The following STK39 variants were observed in gnomAD, a reference collection of about 807,000 sequenced individuals.
STK39 encodes the protein STE20/SPS1-related proline-alanine-rich protein kinase.
Under a neutral mutation model 77.8 loss-of-function variants are expected in STK39, and 20 were observed. The observed-to-expected ratio is 0.26, with a 90% CI of 0.18 to 0.37. The LOEUF (loss-of-function observed/expected upper bound fraction) is 0.37, where lower values mean the gene tolerates loss of function less well. STK39 is among the 10% of genes least tolerant of loss of function. The pLI, the probability that STK39 is intolerant of heterozygous loss-of-function variation, is 1.00. For synonymous variants in STK39, 246 were observed against 234.1 expected (o/e 1.05, Z -0.47); for missense variants, 479 against 656.5 (o/e 0.73, Z 2.95).
In STK39 at chr2:167,954,244, A is replaced by G. The variant is rs201462059; in HGVS notation, c.*1252T>C. The G allele has an allele frequency of 5.2e-5, 8 of 152,720 alleles. No homozygotes were observed. In the East Asian group the frequency reaches 9.7e-4, roughly 18 times the overall value. 9.5% of individuals were successfully genotyped at this position (152,720 alleles called of 1,614,324 possible). A position where few individuals can be genotyped will look rare whatever the true frequency, so the allele number is the denominator to read the frequency against. On this transcript the variant is annotated 3_prime_UTR_variant, in exon 18 of 18. Transcript: ENST00000355999. ...AGAGCTGCCATATCTAGGGTTAGCT[A>G]GGAAAGAGCAATGGTACCATCCTGG...
chr2:168,027,379 T>C (rs573047057), intron 14 of STK39, among the ~76,000 whole-genome samples: 1 of 152,150 alleles, frequency 6.6e-6, no homozygotes, highest in African/African-American at 2.4e-5. Context: ...AAAGTGAAAA[T>C]TCCTTTCAGC....
chr2:168,120,074 A>G (rs998510759), intron 10 of STK39, among the ~76,000 whole-genome samples: 4 of 152,226 alleles, frequency 2.6e-5, no homozygotes, highest in Non-Finnish European at 5.9e-5. Context: ...CTTTAGGGAT[A>G]GCTTAACTCA....
At chr2:168,091,434 A>G (rs1686521948) in intron 10 of STK39, among the ~76,000 whole-genome samples, 1 of 152,196 alleles carries the variant, frequency 6.6e-6, no homozygotes, top group Non-Finnish European at 1.5e-5. Flanking sequence ...ATTGGAGGCT[A>G]GAGCCTCTGA....
At chr2:168,183,001 C>T (rs1689121834) in intron 1 of STK39, among the ~76,000 whole-genome samples, 1 of 152,164 alleles carries the variant, frequency 6.6e-6, no homozygotes, top group Non-Finnish European at 1.5e-5. Flanking sequence ...GGTAATACTT[C>T]TCAAATGATT....
At chr2:168,157,377 T>C (rs540238379) in intron 5 of STK39, among the ~76,000 whole-genome samples, 2 of 152,234 alleles carry the variant, frequency 1.3e-5, no homozygotes, top group Admixed American at 1.3e-4. Context: ...ATTTCTGTTA[T>C]GTAAAACCAG....
chr2:168,082,353 T>C (rs959442843), intron 10 of STK39, among the ~76,000 whole-genome samples: 1 of 152,030 alleles, frequency 6.6e-6, no homozygotes. Context: ...AGTCTCCAAT[T>C]GTGGCCCTCA....
rs189777700 is a variant in STK39, at chr2:168,073,130, T to C, written c.1242+1852A>G. Reference sequence around the variant, plus strand: ...TCAGTACTGATGCCTGAAGATCAACTCACGGCACACTACATAGTCTTTCCC... The same window carrying C: ...TCAGTACTGATGCCTGAAGATCAACCCACGGCACACTACATAGTCTTTCCC... On this transcript the variant is annotated intron_variant, in intron 12 of 17. Coordinates refer to ENST00000355999, the MANE Select transcript of STK39 (RefSeq NM_013233.3). 2.6e-3 allele frequency among the ~76,000 whole-genome samples: 390 copies of C among 152,294 alleles called. 2 individuals carry two copies. Among genetic ancestry groups the C allele is most frequent in the Admixed American group, 6.5e-3 (99 of 15,302 alleles).
In STK39 at chr2:167,999,618, C is replaced by T. The variant is rs531649860; in HGVS notation, c.1498+13016G>A. Among the ~76,000 whole-genome samples the T allele has an allele frequency of 6.6e-5, 10 of 152,094 alleles. No homozygotes were observed. The East Asian group carries it at 1.2e-3, about 18-fold the overall frequency. ...CTGGAACTACAGGCGCCTGACACCACGCCCGGCTAATTTTTTTGTATTTTT... is the reference window on the plus strand; with the variant it reads ...CTGGAACTACAGGCGCCTGACACCATGCCCGGCTAATTTTTTTGTATTTTT... On this transcript the variant is annotated intron_variant, in intron 16 of 17. Coordinates refer to ENST00000355999, the MANE Select transcript of STK39 (RefSeq NM_013233.3).
At chr2:168,219,943 T>C (rs1690123982) in intron 1 of STK39, among the ~76,000 whole-genome samples, 1 of 151,768 alleles carries the variant, frequency 6.6e-6, no homozygotes, top group Non-Finnish European at 1.5e-5. Flanking sequence ...TATCTGCTCA[T>C]CTTACTATAG....
At chr2:167,986,078 C>A (rs544419411) in intron 16 of STK39, among the ~76,000 whole-genome samples, 2 of 152,292 alleles carry the variant, frequency 1.3e-5, no homozygotes, top group South Asian at 4.1e-4. Context: ...GCCAGCACTG[C>A]CAACTTGTAC....
At chr2:168,230,710 A>G (rs1486539721) in intron 1 of STK39, among the ~76,000 whole-genome samples, 1 of 152,230 alleles carries the variant, frequency 6.6e-6, no homozygotes, top group African/African-American at 2.4e-5. Flanking sequence ...CCTCGCTGGC[A>G]AAACTTCAAA....
intron 14 of STK39, among the ~76,000 whole-genome samples, chr2:168,032,097 T>C (rs938446658): frequency 6.6e-6 from 1 of 152,220 alleles, no homozygotes; most frequent in Non-Finnish European, 1.5e-5. Flanking sequence ...AGAAAAACCC[T>C]TGTGCTTATT....
rs1386142885 is a variant in STK39, at chr2:168,247,337, T to C, written c.99A>G (p.Ala33=). ...AAAAAPAAAT[A]APAPAAPAAP... is the part of the protein sequence containing the mutation. ...CCGCGGGAGCTGCCGGGGCCGGCGCTGCTGTCGCGGCCGCCGGGGCCGCCG... is the reference window on the plus strand; with the variant it reads ...CCGCGGGAGCTGCCGGGGCCGGCGCCGCTGTCGCGGCCGCCGGGGCCGCCG... The change falls in exon 1 of 18, where the codon GCA becomes GCG. Residue 33 remains alanine, a synonymous_variant. Transcript: ENST00000355999. 1.4e-5 allele frequency: 15 copies of C among 1,040,482 alleles called. No homozygotes were observed. Among genetic ancestry groups the C allele is most frequent in the African/African-American group, 6.9e-5 (4 of 58,170 alleles). 64.5% of individuals were successfully genotyped at this position (1,040,482 alleles called of 1,614,324 possible).
intron 14 of STK39, among the ~76,000 whole-genome samples, chr2:168,028,916 T>A (rs1274063755): frequency 6.6e-6 from 1 of 152,206 alleles, no homozygotes; most frequent in African/African-American, 2.4e-5. Flanking sequence ...GGTGTATTTA[T>A]ACAAACTGAA....
chr2:168,206,180 C>A (rs2105685676), intron 1 of STK39, among the ~76,000 whole-genome samples: 1 of 152,320 alleles, frequency 6.6e-6, no homozygotes, highest in African/African-American at 2.4e-5. Flanking sequence ...CCACAGCTGG[C>A]ATATCTATCC....
intron 14 of STK39, among the ~76,000 whole-genome samples, chr2:168,024,485 T>C (rs923437609): frequency 1.3e-5 from 2 of 152,122 alleles, no homozygotes; most frequent in Non-Finnish European, 2.9e-5. Flanking sequence ...CACAAATGGA[T>C]TAATGCCAAT....
intron 14 of STK39, among the ~76,000 whole-genome samples, chr2:168,036,502 C>A (rs902294767): frequency 1.3e-5 from 2 of 152,176 alleles, no homozygotes; most frequent in African/African-American, 4.8e-5. Context: ...CTTGTAAGCT[C>A]TCTCTAGAAA....
chr2:168,001,914 C>T (rs1378215997), intron 16 of STK39, among the ~76,000 whole-genome samples: 1 of 152,194 alleles, frequency 6.6e-6, no homozygotes, highest in African/African-American at 2.4e-5. Context: ...CAAAGTAAGC[C>T]TACTTTACTT....
chr2:168,160,871 A>AC (rs1218847237), intron 5 of STK39, among the ~76,000 whole-genome samples: 1 of 151,670 alleles, frequency 6.6e-6, no homozygotes, highest in Non-Finnish European at 1.5e-5. Flanking sequence ...ATGCACACAC[A>AC]AAGCACTAAC....
Sources: allele counts gnomAD v4.1 joint callset (sites outside exome capture counted in the v4.1 genomes callset), GRCh38; gene constraint gnomAD v4.1.1; transcripts MANE v1.5; gene names NCBI Gene and HGNC (gene_info 2026-07-23, HGNC 2026-07-21).